Variants in SH3GLB1 observed in about 807,000 individuals in gnomAD.
SH3GLB1 encodes the protein endophilin-B1.
SH3GLB1 carries 17 observed loss-of-function variants against 42.0 expected under a neutral mutation model. That is an observed-to-expected ratio of 0.40 (90% confidence interval 0.28 to 0.61). SH3GLB1 has a LOEUF of 0.61. Ranked by LOEUF, SH3GLB1 falls within the 20% of genes least tolerant of loss-of-function variation. The pLI, the probability that SH3GLB1 is intolerant of heterozygous loss-of-function variation, is 0.36. For synonymous variants in SH3GLB1, 132 were observed against 146.6 expected (o/e 0.90, Z 0.72); for missense variants, 355 against 426.3 (o/e 0.83, Z 1.47).
chr1:86,742,531 A>AAACTG, intron 8 of SH3GLB1, 95 bp downstream of exon 8: 1 of 842,852 alleles, frequency 1.2e-6, no homozygotes, highest in South Asian at 1.8e-5. Flanking sequence ...GTTATTTGGA[A>AAACTG]ATGGTTTCAT....
intron 7 of SH3GLB1, among the ~76,000 whole-genome samples, chr1:86,740,769 G>A (rs1656022195): frequency 6.6e-6 from 1 of 152,076 alleles, no homozygotes; most frequent in African/African-American, 2.4e-5. Context: ...CTAAAGGGTT[G>A]GAAGAATTGT....
Position 86,726,295 on chromosome 1 carries a change from A to G in SH3GLB1, c.570+1890A>G, listed in dbSNP as rs568242841. Among the ~76,000 whole-genome samples the G allele has an allele frequency of 9.2e-5, 14 of 152,196 alleles. No individual in the cohort carries two copies. In the East Asian group the frequency reaches 2.7e-3, roughly 29 times the overall value. On this transcript the variant is annotated intron_variant, in intron 5 of 8. Coordinates refer to ENST00000370558, the MANE Select transcript of SH3GLB1 (RefSeq NM_016009.5). ...GACCGTCTGCTTTTCTACCTGGAAA[A>G]GTTCCAGAAAGCACACACATATAGA...
chr1:86,737,901 A>G (rs1655854325), intron 7 of SH3GLB1, among the ~76,000 whole-genome samples: 1 of 152,180 alleles, frequency 6.6e-6, no homozygotes. Context: ...AGGGCATGAC[A>G]TAGCTGGTAT....
chr1:86,719,411 TAGG>T (rs1654731878), intron 2 of SH3GLB1, 93 bp from the exon 3 acceptor site: 1 of 1,013,192 alleles, frequency 9.9e-7, no homozygotes, highest in Admixed American at 2.8e-5. Context: ...ATGCTAACTT[TAGG>T]AGATGATAAA....
chr1:86,706,528 C>A (rs1361546105), intron 1 of SH3GLB1, among the ~76,000 whole-genome samples: 1 of 152,144 alleles, frequency 6.6e-6, no homozygotes, highest in Non-Finnish European at 1.5e-5. Flanking sequence ...GATTTAAATT[C>A]ACTAGCTTCT....
chr1:86,742,349 TAAG>T lies in SH3GLB1; in HGVS notation c.904_906del (p.Lys302del), dbSNP rs1355856743. 1 of 1,614,024 alleles carries T rather than the reference TAAG, an allele frequency of 6.2e-7. No individual in the cohort carries two copies. ...CCTCTCCTTCCAACCTCAGTGACCT[TAAG>T]GAGTGTAGTGGCAGCAGAAAGGCCA... On this transcript the variant is annotated inframe_deletion, in exon 8 of 9. Coordinates refer to ENST00000370558, the MANE Select transcript of SH3GLB1 (RefSeq NM_016009.5).
intron 5 of SH3GLB1, among the ~76,000 whole-genome samples, chr1:86,726,592 A>AT (rs1655207556): frequency 6.6e-6 from 1 of 152,062 alleles, no homozygotes; most frequent in Non-Finnish European, 1.5e-5. Flanking sequence ...GAACTTACGT[A>AT]TTACATACAG....
At chr1:86,734,058 A>T (rs1447538649) in intron 5 of SH3GLB1, among the ~76,000 whole-genome samples, 1 of 152,178 alleles carries the variant, frequency 6.6e-6, no homozygotes, top group Non-Finnish European at 1.5e-5. Flanking sequence ...TAGGACAAAG[A>T]ATCCTTTGAA....
chr1:86,734,045 A>G (rs1402625922), intron 5 of SH3GLB1, among the ~76,000 whole-genome samples: 1 of 152,176 alleles, frequency 6.6e-6, no homozygotes, highest in African/African-American at 2.4e-5. Context: ...GACATTTAAA[A>G]TGTAGGACAA....
intron 5 of SH3GLB1, among the ~76,000 whole-genome samples, chr1:86,724,892 A>AAAAAAATAT (rs1291454820): frequency 3.2e-4 from 32 of 99,672 alleles, no homozygotes; most frequent in East Asian, 5.6e-4. Flanking sequence ...AAAAAAAAAA[A>AAAAAAATAT]ATATATATAT....
At chr1:86,733,935 A>G (rs1164736450) in intron 5 of SH3GLB1, among the ~76,000 whole-genome samples, 1 of 152,180 alleles carries the variant, frequency 6.6e-6, no homozygotes, top group Admixed American at 6.5e-5. Flanking sequence ...AAGTTCGATC[A>G]TAACTTAAAA....
chr1:86,707,360 A>G (rs1044787777), intron 1 of SH3GLB1, among the ~76,000 whole-genome samples: 2 of 152,222 alleles, frequency 1.3e-5, no homozygotes, highest in African/African-American at 2.4e-5. Context: ...AAGGAGACCA[A>G]TGAAGGAGCT....
intron 7 of SH3GLB1, among the ~76,000 whole-genome samples, chr1:86,739,641 T>G (rs1330287303): frequency 6.6e-6 from 1 of 152,078 alleles, no homozygotes; most frequent in African/African-American, 2.4e-5. Flanking sequence ...GAGGAGAAAG[T>G]GGGGTCTAGC....
intron 1 of SH3GLB1, among the ~76,000 whole-genome samples, chr1:86,712,352 A>G (rs1654263264): frequency 6.6e-6 from 1 of 152,158 alleles, no homozygotes; most frequent in South Asian, 2.1e-4. Flanking sequence ...TAGTAATAGA[A>G]ATAGAAAATA....
intron 5 of SH3GLB1, among the ~76,000 whole-genome samples, chr1:86,727,889 G>C (rs1655280657): frequency 6.6e-6 from 1 of 151,926 alleles, no homozygotes; most frequent in Non-Finnish European, 1.5e-5. Context: ...AATAAATTTA[G>C]AGCACCATCA....
chr1:86,715,967 A>G, intron 2 of SH3GLB1, 102 bp downstream of exon 2: 1 of 1,262,636 alleles, frequency 7.9e-7, no homozygotes, highest in Non-Finnish European at 1.1e-6. Context: ...GGATTTTTTT[A>G]TTGTAGCTTC....
At chr1:86,730,345 C>T in intron 5 of SH3GLB1, 1 of 985,296 alleles carries the variant, frequency 1.0e-6, no homozygotes, top group South Asian at 4.7e-5. Flanking sequence ...TCTTGGATAC[C>T]TGTTATACTA....
intron 4 of SH3GLB1, among the ~76,000 whole-genome samples, chr1:86,723,904 G>A (rs943590240): frequency 3.3e-5 from 5 of 152,146 alleles, no homozygotes; most frequent in Non-Finnish European, 7.3e-5. Context: ...ACAATTCCTT[G>A]TAAAGATAGA....
intron 5 of SH3GLB1, among the ~76,000 whole-genome samples, chr1:86,731,479 G>A (rs1052802182): frequency 3.3e-5 from 5 of 152,012 alleles, no homozygotes; most frequent in African/African-American, 4.8e-5. Context: ...GTTTAGTTAC[G>A]GTTCCACACT....
Sources: gnomAD v4.1 joint callset for allele counts (sites outside exome capture counted in the v4.1 genomes callset) on GRCh38, gnomAD v4.1.1 for gene constraint, MANE v1.5 for transcripts, NCBI Gene and HGNC (gene_info 2026-07-23, HGNC 2026-07-21) for gene names.